DOCK5: variants seen among roughly 807,000 people sequenced by gnomAD.
DOCK5 encodes the protein dedicator of cytokinesis protein 5.
DOCK5 carries 142 observed loss-of-function variants against 251.8 expected under a neutral mutation model. The observed-to-expected ratio is 0.56, with a 90% CI of 0.49 to 0.65. DOCK5 has a LOEUF of 0.65. Ranked by LOEUF, DOCK5 falls within the 30% of genes least tolerant of loss-of-function variation. DOCK5 has a pLI of 0.00. For missense variants in DOCK5, 2,111 were observed against 2,312.3 expected, an observed-to-expected ratio of 0.91 and a Z score of 1.79; for synonymous variants, 842 against 835.5, an observed-to-expected ratio of 1.01 and a Z score of -0.13.
At chr8:25,284,714 G>A (rs1040575465) in intron 5 of DOCK5, among the ~76,000 whole-genome samples, 12 of 152,328 alleles carry the variant, frequency 7.9e-5, no homozygotes, top group East Asian at 1.9e-4. Flanking sequence ...AGACACGGTC[G>A]GATTCGTGTA....
chr8:25,376,284 G>A, intron 37 of DOCK5: 1 of 984,974 alleles, frequency 1.0e-6, no homozygotes, highest in Non-Finnish European at 1.2e-6. Flanking sequence ...AGGTATGAAT[G>A]CAGCTTTTTT....
intron 2 of DOCK5, among the ~76,000 whole-genome samples, chr8:25,253,608 T>G (rs1306467592): frequency 6.6e-6 from 1 of 152,182 alleles, no homozygotes; most frequent in African/African-American, 2.4e-5. Context: ...GAGGAAAGTT[T>G]AAAATTGATT....
At chr8:25,204,517 G>A (rs1510757) in intron 1 of DOCK5, among the ~76,000 whole-genome samples, 94,751 of 152,042 alleles carry the variant, frequency 0.62, 32,136 homozygotes, top group Non-Finnish European at 0.76. Context: ...TGAATTAAGC[G>A]ATGCCTGTTA....
intron 29 of DOCK5, 65 bp from the exon 30 acceptor site, chr8:25,364,561 A>T: frequency 8.2e-7 from 1 of 1,217,252 alleles, no homozygotes; most frequent in Non-Finnish European, 1.2e-6. Flanking sequence ...AGTTCTTAAT[A>T]TAGGTGGGAA....
At chr8:25,308,061 T>A (rs572831088) in intron 11 of DOCK5, among the ~76,000 whole-genome samples, 1 of 152,158 alleles carries the variant, frequency 6.6e-6, no homozygotes, top group African/African-American at 2.4e-5. Flanking sequence ...CTGGCCTACA[T>A]GCAGTGGACA....
intron 37 of DOCK5, chr8:25,376,588 T>C (rs1484473301): frequency 6.1e-6 from 1 of 165,288 alleles, no homozygotes; most frequent in Non-Finnish European, 1.2e-5. Flanking sequence ...ATATGGACTT[T>C]GGAAAGATGA....
intron 25 of DOCK5, among the ~76,000 whole-genome samples, chr8:25,344,184 G>C (rs1263104325): frequency 6.6e-6 from 1 of 152,190 alleles, no homozygotes; most frequent in African/African-American, 2.4e-5. Flanking sequence ...GGGGCATGGA[G>C]GGGAAAAACT....
chr8:25,370,275 A>G (rs1800850802), intron 34 of DOCK5, among the ~76,000 whole-genome samples: 1 of 152,240 alleles, frequency 6.6e-6, no homozygotes, highest in Non-Finnish European at 1.5e-5. Context: ...TCAGTGAGAG[A>G]TTGAACTTCA....
chr8:25,373,798 C>A, intron 36 of DOCK5, 140 bp downstream of exon 36: 1 of 751,618 alleles, frequency 1.3e-6, no homozygotes, highest in Non-Finnish European at 2.1e-6. Flanking sequence ...TCCATTCACC[C>A]TGAACCGACA....
At chr8:25,332,100 A>G in intron 18 of DOCK5, 151 bp from the exon 19 acceptor site, 1 of 506,512 alleles carries the variant, frequency 2.0e-6, no homozygotes, top group East Asian at 3.2e-5. Flanking sequence ...TCTGACTTAG[A>G]TAGGAGATAG....
chr8:25,333,030 G>A (rs1441870822), intron 20 of DOCK5, among the ~76,000 whole-genome samples: 1 of 152,190 alleles, frequency 6.6e-6, no homozygotes, highest in Non-Finnish European at 1.5e-5. Context: ...GTGCACTGGT[G>A]TGTTTATGCA....
intron 49 of DOCK5, 89 bp downstream of exon 49, chr8:25,408,243 G>C: frequency 7.3e-7 from 1 of 1,377,504 alleles, no homozygotes; most frequent in Non-Finnish European, 9.7e-7. Flanking sequence ...CTCCCAGATT[G>C]AAGCTGGGCT....
chr8:25,301,079 G>A (rs2117166479), intron 9 of DOCK5, among the ~76,000 whole-genome samples: 1 of 151,722 alleles, frequency 6.6e-6, no homozygotes, highest in Admixed American at 6.5e-5. Flanking sequence ...AGTACAAGAG[G>A]AGTGATGCTG....
chr8:25,356,063 G>A (rs1466129120), intron 27 of DOCK5, among the ~76,000 whole-genome samples: 1 of 151,070 alleles, frequency 6.6e-6, no homozygotes, highest in Non-Finnish European at 1.5e-5. Context: ...AGCCAGTTGT[G>A]GTGATGCATG....
At chr8:25,349,221 C>T (rs373684270) in intron 26 of DOCK5, among the ~76,000 whole-genome samples, 1 of 151,980 alleles carries the variant, frequency 6.6e-6, no homozygotes, top group Admixed American at 6.6e-5. Flanking sequence ...TGGGCATAGA[C>T]GTGGTGAAAG....
chr8:25,201,797 A>T (rs1169715348), intron 1 of DOCK5, among the ~76,000 whole-genome samples: 1 of 152,186 alleles, frequency 6.6e-6, no homozygotes, highest in Admixed American at 6.5e-5. Flanking sequence ...GCTATCTGAA[A>T]GTTTGCTCAG....
At chr8:25,330,823 G>A (rs1436291881) in intron 18 of DOCK5, among the ~76,000 whole-genome samples, 1 of 152,106 alleles carries the variant, frequency 6.6e-6, no homozygotes, top group African/African-American at 2.4e-5. Flanking sequence ...AGGGATTTGG[G>A]AGGCACTCTG....
chr8:25,190,877 G>A (rs991033773), intron 1 of DOCK5, among the ~76,000 whole-genome samples: 6 of 142,210 alleles, frequency 4.2e-5, no homozygotes, highest in East Asian at 2.2e-4. Flanking sequence ...TCCGCCTCCC[G>A]GGTTCACGCC....
intron 2 of DOCK5, among the ~76,000 whole-genome samples, chr8:25,263,975 T>C (rs1803663955): frequency 6.6e-6 from 1 of 151,898 alleles, no homozygotes; most frequent in South Asian, 2.1e-4. Context: ...TCCTATTTGC[T>C]TAAGCCCAAA....
Sources: allele counts gnomAD v4.1 joint callset (sites outside exome capture counted in the v4.1 genomes callset), GRCh38; gene constraint gnomAD v4.1.1; transcripts MANE v1.5; gene names NCBI Gene and HGNC (gene_info 2026-07-23, HGNC 2026-07-21).